Variants in NTNG1 observed in about 807,000 individuals in gnomAD.
The protein encoded by NTNG1 is netrin G1.
In NTNG1, 16 loss-of-function variants were observed where a neutral mutation model predicts 54.0. That is an observed-to-expected ratio of 0.30 (90% CI 0.20 to 0.45). The LOEUF is 0.45. NTNG1 is among the 20% of genes least tolerant of loss of function. The probability of loss-of-function intolerance (pLI) is 1.00; values close to 1 mark genes in which losing one functional copy is unlikely to be tolerated. For missense variants in NTNG1, 530 were observed against 678.7 expected (o/e 0.78, Z 2.43); for synonymous variants, 255 against 263.1 (o/e 0.97, Z 0.30).
chr1:107,453,106 C>T (rs921760870), intron 7 of NTNG1, among the ~76,000 whole-genome samples: 5 of 152,124 alleles, frequency 3.3e-5, no homozygotes, highest in South Asian at 4.1e-4. Context: ...TGAGACTGTT[C>T]GGTGTCTCAA....
chr1:107,420,684 AT>A (rs1674520161), intron 5 of NTNG1, among the ~76,000 whole-genome samples: 1 of 152,018 alleles, frequency 6.6e-6, no homozygotes, highest in African/African-American at 2.4e-5. Flanking sequence ...TAAATGGTGT[AT>A]ATGTCGAATA....
chr1:107,304,316 A>G (rs976180576), intron 2 of NTNG1, among the ~76,000 whole-genome samples: 11 of 152,054 alleles, frequency 7.2e-5, no homozygotes, highest in African/African-American at 2.2e-4. Flanking sequence ...CACACATTCA[A>G]CTATCTAGAG....
chr1:107,389,575 G>A (rs1031547031), intron 3 of NTNG1, among the ~76,000 whole-genome samples: 7 of 152,102 alleles, frequency 4.6e-5, no homozygotes, highest in East Asian at 1.9e-4. Flanking sequence ...GGTTGAAAGC[G>A]AGAACACACT....
At chr1:107,149,711 A>G (rs1224969763) in intron 2 of NTNG1, among the ~76,000 whole-genome samples, 1 of 152,122 alleles carries the variant, frequency 6.6e-6, no homozygotes, top group Non-Finnish European at 1.5e-5. Flanking sequence ...GAGGCTGGTG[A>G]TTAAAATAGT....
chr1:107,339,269 C>A (rs569803227), intron 3 of NTNG1, among the ~76,000 whole-genome samples: 73 of 152,160 alleles, frequency 4.8e-4, no homozygotes, highest in African/African-American at 1.7e-3. Flanking sequence ...AGGTTACAAT[C>A]TATCAGACAG....
intron 2 of NTNG1, among the ~76,000 whole-genome samples, chr1:107,317,894 C>T (rs1339345827): frequency 2.0e-5 from 3 of 152,160 alleles, no homozygotes; most frequent in Non-Finnish European, 4.4e-5. Flanking sequence ...TAGTTTTTAA[C>T]TCCAGAGTTA....
intron 2 of NTNG1, among the ~76,000 whole-genome samples, chr1:107,299,766 A>G (rs915650173): frequency 6.6e-6 from 1 of 152,170 alleles, no homozygotes; most frequent in Non-Finnish European, 1.5e-5. Context: ...ACAGATAAGC[A>G]ACTAAGGCCA....
chr1:107,373,953 C>T (rs759024083), intron 3 of NTNG1, among the ~76,000 whole-genome samples: 2 of 152,142 alleles, frequency 1.3e-5, no homozygotes, highest in Non-Finnish European at 1.5e-5. Flanking sequence ...CCTCCTGCCT[C>T]GGCCTCTGAG....
chr1:107,432,982 A>C (rs1317437065), intron 6 of NTNG1, among the ~76,000 whole-genome samples: 1 of 152,216 alleles, frequency 6.6e-6, no homozygotes, highest in Non-Finnish European at 1.5e-5. Context: ...TCCACAGACT[A>C]GAAAACAATC....
intron 3 of NTNG1, among the ~76,000 whole-genome samples, chr1:107,370,603 A>C (rs1298341545): frequency 1.3e-5 from 2 of 151,906 alleles, no homozygotes; most frequent in Non-Finnish European, 2.9e-5. Flanking sequence ...CTGAGAACAC[A>C]AAATATTTGG....
chr1:107,202,527 T>C (rs1444292768), intron 2 of NTNG1, among the ~76,000 whole-genome samples: 1 of 151,864 alleles, frequency 6.6e-6, no homozygotes, highest in Non-Finnish European at 1.5e-5. Flanking sequence ...TTATTTATTT[T>C]ATTTCTTTGT....
chr1:107,429,764 T>G (rs1227295869), intron 5 of NTNG1, among the ~76,000 whole-genome samples: 1 of 152,198 alleles, frequency 6.6e-6, no homozygotes, highest in African/African-American at 2.4e-5. Context: ...TTTGTGATAA[T>G]TATTTCTACC....
chr1:107,172,682 C>T (rs918939274), intron 2 of NTNG1, among the ~76,000 whole-genome samples: 1 of 152,074 alleles, frequency 6.6e-6, no homozygotes, highest in Admixed American at 6.6e-5. Flanking sequence ...TAAAAGTTGT[C>T]TTAAAAGGAA....
intron 2 of NTNG1, among the ~76,000 whole-genome samples, chr1:107,292,261 C>A (rs1160910262): frequency 6.6e-6 from 1 of 152,076 alleles, no homozygotes; most frequent in Non-Finnish European, 1.5e-5. Context: ...TCAATTCTCG[C>A]GTCCTCAGAT....
intron 7 of NTNG1, among the ~76,000 whole-genome samples, chr1:107,464,204 T>C (rs969997772): frequency 1.3e-5 from 2 of 152,240 alleles, no homozygotes; most frequent in Non-Finnish European, 2.9e-5. Flanking sequence ...ATAAACTGCT[T>C]TGCTTTGTCT....
chr1:107,224,274 T>G (rs975264178), intron 2 of NTNG1, among the ~76,000 whole-genome samples: 2 of 152,180 alleles, frequency 1.3e-5, no homozygotes, highest in African/African-American at 4.8e-5. Flanking sequence ...TACCTGAAGA[T>G]CTGATTGAGG....
chr1:107,199,048 T>G (rs903018145), intron 2 of NTNG1, among the ~76,000 whole-genome samples: 1 of 151,838 alleles, frequency 6.6e-6, no homozygotes, highest in African/African-American at 2.4e-5. Flanking sequence ...CAACAATGAG[T>G]TACAGAAATT....
intron 7 of NTNG1, among the ~76,000 whole-genome samples, chr1:107,475,341 T>C (rs149140134): frequency 2.7e-4 from 41 of 152,332 alleles, no homozygotes; most frequent in African/African-American, 9.1e-4. Context: ...TAGTCCCAGT[T>C]CTACTCTCAA....
At chr1:107,211,432 A>G (rs1002073568) in intron 2 of NTNG1, among the ~76,000 whole-genome samples, 4 of 152,204 alleles carry the variant, frequency 2.6e-5, no homozygotes, top group African/African-American at 7.2e-5. Context: ...AGCATTTCCA[A>G]TAATACCTAT....
Sources: gnomAD v4.1 joint callset for allele counts (sites outside exome capture counted in the v4.1 genomes callset) on GRCh38, gnomAD v4.1.1 for gene constraint, MANE v1.5 for transcripts, NCBI Gene and HGNC (gene_info 2026-07-23, HGNC 2026-07-21) for gene names.